LAMA2: variants seen among roughly 807,000 people sequenced by gnomAD.
LAMA2 encodes the protein laminin subunit alpha 2.
LAMA2 carries 269 observed loss-of-function variants against 364.8 expected under a neutral mutation model. That is an observed-to-expected ratio of 0.74 (90% CI 0.67 to 0.82). The LOEUF (loss-of-function observed/expected upper bound fraction) is 0.82. Among genes scored for constraint, LAMA2 ranks in the 40% least tolerant of loss-of-function variants. The pLI is 0.00. For synonymous variants in LAMA2, 1,379 were observed against 1,370.6 expected (o/e 1.01, Z -0.14); for missense variants, 3,807 against 3,873.2 (o/e 0.98, Z 0.45).
chr6:129,316,035 C>T lies in LAMA2; in HGVS notation c.3925-3C>T, dbSNP rs1470818742. ...TCATAGTGATTTCTCTTCTTGTTAA[C>T]AGAAAGAATGGAAATATTATGGGGA... On this transcript the variant is annotated splice_region_variant and splice_polypyrimidine_tract_variant and intron_variant, in intron 26 of 64. Transcript: ENST00000421865. The T allele has an allele frequency of 1.2e-6, 2 of 1,613,968 alleles. No homozygotes were observed. Among genetic ancestry groups the T allele is most frequent in the Non-Finnish European group, 8.5e-7 (1 of 1,179,960 alleles).
intron 17 of LAMA2, among the ~76,000 whole-genome samples, chr6:129,275,547 A>T (rs752139353): frequency 5.9e-5 from 9 of 152,018 alleles, no homozygotes; most frequent in Non-Finnish European, 1.0e-4. Context: ...AAAATCAGTA[A>T]ATCTTCACTG....
At chr6:128,898,939 C>T (rs796824248) in intron 1 of LAMA2, among the ~76,000 whole-genome samples, 32 of 152,132 alleles carry the variant, frequency 2.1e-4, no homozygotes, top group African/African-American at 7.2e-4. Flanking sequence ...TGGCTGTCTC[C>T]TTCTCAATAT....
chr6:129,048,676 G>A (rs1266526380), intron 1 of LAMA2, among the ~76,000 whole-genome samples: 2 of 149,736 alleles, frequency 1.3e-5, no homozygotes, highest in African/African-American at 4.9e-5. Flanking sequence ...GTGCAGTGAT[G>A]TGATCTCAGC....
rs1778568627 is a variant in LAMA2, at chr6:128,919,660, T to C, written c.112+36303T>C. Among the ~76,000 whole-genome samples, 4 of 152,154 alleles carry C rather than the reference T, an allele frequency of 2.6e-5. No individual in the cohort carries two copies. The South Asian group carries it at 8.3e-4, about 31-fold the overall frequency. On this transcript the variant is annotated intron_variant, in intron 1 of 64. Transcript: ENST00000421865. ...GATATTCTTGCTTGCAATTTAGCCC[T>C]CCCCCATTTGTTTGTTGTACTTCAG...
intron 5 of LAMA2, among the ~76,000 whole-genome samples, chr6:129,145,009 C>G (rs747980729): frequency 5.9e-5 from 9 of 151,894 alleles, no homozygotes; most frequent in Non-Finnish European, 1.2e-4. Flanking sequence ...GCATTATTAC[C>G]AGGGAAGTCA....
intron 1 of LAMA2, among the ~76,000 whole-genome samples, chr6:128,892,146 G>A (rs1200845563): frequency 3.3e-5 from 5 of 151,756 alleles, no homozygotes; most frequent in African/African-American, 1.2e-4. Flanking sequence ...TTTTGCTTAA[G>A]AACAGCAAAA....
chr6:129,158,883 C>A (rs2114983628), intron 8 of LAMA2: 1 of 1,612,268 alleles, frequency 6.2e-7, no homozygotes, highest in Non-Finnish European at 8.5e-7. Flanking sequence ...AAGCAACGTC[C>A]ATTAGTTATG....
chr6:129,189,957 G>A (rs912720235), intron 10 of LAMA2, among the ~76,000 whole-genome samples: 7 of 152,202 alleles, frequency 4.6e-5, no homozygotes, highest in African/African-American at 1.7e-4. Flanking sequence ...CCTACATGAA[G>A]ATCAACATAG....
intron 1 of LAMA2, among the ~76,000 whole-genome samples, chr6:128,898,313 T>C (rs533324392): frequency 1.3e-5 from 2 of 152,340 alleles, no homozygotes; most frequent in African/African-American, 4.8e-5. Flanking sequence ...AGTTGTCTCC[T>C]AGGTCCTTCA....
At chr6:129,046,642 A>T (rs1176402025) in intron 1 of LAMA2, among the ~76,000 whole-genome samples, 1 of 152,162 alleles carries the variant, frequency 6.6e-6, no homozygotes, top group Non-Finnish European at 1.5e-5. Context: ...TGTTTATTCA[A>T]TGTGTAACCT....
intron 53 of LAMA2, among the ~76,000 whole-genome samples, chr6:129,477,162 G>T (rs1008564549): frequency 6.6e-6 from 1 of 152,052 alleles, no homozygotes; most frequent in Non-Finnish European, 1.5e-5. Flanking sequence ...ATTCAAAATA[G>T]TAGCCACAAG....
chr6:128,935,079 T>TATA (rs1290940919), intron 1 of LAMA2, among the ~76,000 whole-genome samples: 1 of 152,176 alleles, frequency 6.6e-6, no homozygotes, highest in African/African-American at 2.4e-5. Flanking sequence ...TTATTATTAT[T>TATA]ATACTTTGAG....
Position 129,401,340 on chromosome 6 carries a change from C to T in LAMA2, c.5562C>T (p.Asp1854=), listed in dbSNP as rs778319385. Residue 1854 remains aspartate, a splice_region_variant and synonymous_variant, in exon 38 of 65, where the codon GAC becomes GAT. Transcript: ENST00000421865. Reference sequence around the variant, plus strand: ...CAGATGAAATCAACTCCATCATAGACGTGAGTATTGGGTAAAACTCAAAAG... The same window carrying T: ...CAGATGAAATCAACTCCATCATAGATGTGAGTATTGGGTAAAACTCAAAAG... ...RLADEINSII[D]YVEDIQTKLP... is the part of the protein sequence containing the mutation. 65 of 1,545,704 alleles carry T rather than the reference C, an allele frequency of 4.2e-5. No homozygotes were observed. In the South Asian group the frequency reaches 5.2e-4, roughly 12 times the overall value.
At chr6:129,282,632 ACCTAT>A (rs1788800898) in intron 18 of LAMA2, among the ~76,000 whole-genome samples, 1 of 152,046 alleles carries the variant, frequency 6.6e-6, no homozygotes, top group Non-Finnish European at 1.5e-5. Context: ...GTTTCTGCTG[ACCTAT>A]CCCTTTTTCT....
intron 41 of LAMA2, among the ~76,000 whole-genome samples, chr6:129,434,143 C>G (rs1781729700): frequency 6.6e-6 from 1 of 152,130 alleles, no homozygotes; most frequent in African/African-American, 2.4e-5. Context: ...ATGTCAGAAA[C>G]ATGATAAACA....
intron 61 of LAMA2, among the ~76,000 whole-genome samples, chr6:129,505,727 T>G (rs1583922233): frequency 6.6e-6 from 1 of 151,732 alleles, no homozygotes; most frequent in Non-Finnish European, 1.5e-5. Flanking sequence ...AGACGGGGGG[T>G]TTCACTGTGT....
intron 4 of LAMA2, among the ~76,000 whole-genome samples, chr6:129,127,131 C>T (rs1163531140): frequency 1.3e-5 from 2 of 152,186 alleles, no homozygotes; most frequent in Admixed American, 6.5e-5. Context: ...CATAAAACAG[C>T]ATATGCTAGT....
At chr6:129,079,627 C>T (rs1412447164) in intron 3 of LAMA2, among the ~76,000 whole-genome samples, 1 of 151,158 alleles carries the variant, frequency 6.6e-6, no homozygotes, top group Non-Finnish European at 1.5e-5. Context: ...TTTCAGTCAT[C>T]GTTTCCCAGT....
In LAMA2 at chr6:129,250,108, G is replaced by A; in HGVS notation, c.1783-4G>A. On this transcript the variant is annotated splice_region_variant and splice_polypyrimidine_tract_variant and intron_variant, in intron 12 of 64. Transcript: ENST00000421865. ...GTAATGATTATGCATCTTCTGTCTT[G>A]TAGCTCCCAGCAGTAGGAGGACAGT... 2.6e-6 allele frequency: 4 copies of A among 1,559,226 alleles called. No homozygotes were observed. Among genetic ancestry groups the A allele is most frequent in the Non-Finnish European group, 3.5e-6 (4 of 1,130,482 alleles).
Sources: allele counts gnomAD v4.1 joint callset (sites outside exome capture counted in the v4.1 genomes callset), GRCh38; gene constraint gnomAD v4.1.1; transcripts MANE v1.5; gene names NCBI Gene and HGNC (gene_info 2026-07-23, HGNC 2026-07-21).